The following SYT1 variants were observed in gnomAD, a reference collection of about 807,000 sequenced individuals.
The protein encoded by SYT1 is synaptotagmin-1.
Under a neutral mutation model 44.8 loss-of-function variants are expected in SYT1, and 8 were observed. The observed-to-expected ratio is 0.18, with a 90% CI of 0.10 to 0.32. The LOEUF is 0.32. Ranked by LOEUF, SYT1 falls within the 10% of genes least tolerant of loss-of-function variation. SYT1 has a pLI of 1.00. For missense variants in SYT1, 286 were observed against 509.3 expected (o/e 0.56, Z 4.22); for synonymous variants, 154 against 188.8 (o/e 0.82, Z 1.51).
chr12:79,216,603 A>C (rs1318028884), intron 3 of SYT1, among the ~76,000 whole-genome samples: 1 of 152,174 alleles, frequency 6.6e-6, no homozygotes, highest in Non-Finnish European at 1.5e-5. Flanking sequence ...GCCCTGTTAA[A>C]GTTTATTTAA....
Position 79,047,370 on chromosome 12 carries a change from CT to C in SYT1, c.-18+11del, listed in dbSNP as rs1354630449. ...AGAATTCCTAATAGAACAGTAAGTACTTTAATGACACAATGATGATAATAAA... is the reference window on the plus strand; with the variant it reads ...AGAATTCCTAATAGAACAGTAAGTACTTAATGACACAATGATGATAATAAA... On this transcript the variant is annotated intron_variant, in intron 3 of 10. Transcript: ENST00000261205. The C allele has an allele frequency of 6.6e-6, 1 of 151,674 alleles. No individual in the cohort carries two copies. Among genetic ancestry groups the C allele is most frequent in the Non-Finnish European group, 1.5e-5 (1 of 67,726 alleles). The allele number at this position is 151,674 out of a possible 1,614,324, so 9.4% of individuals were successfully genotyped here. A position where few individuals can be genotyped will look rare whatever the true frequency, so the allele number is the denominator to read the frequency against.
At chr12:79,129,892 G>T (rs1048396439) in intron 3 of SYT1, among the ~76,000 whole-genome samples, 1 of 151,898 alleles carries the variant, frequency 6.6e-6, no homozygotes, top group African/African-American at 2.4e-5. Flanking sequence ...TTCAAATATG[G>T]GTATATTATA....
At chr12:78,915,793 T>A (rs1270480976) in intron 1 of SYT1, among the ~76,000 whole-genome samples, 1 of 152,034 alleles carries the variant, frequency 6.6e-6, no homozygotes, top group African/African-American at 2.4e-5. Flanking sequence ...CTTCTTACCA[T>A]GGATATTTTT....
chr12:79,101,321 T>A (rs540975534), intron 3 of SYT1, among the ~76,000 whole-genome samples: 1 of 152,308 alleles, frequency 6.6e-6, no homozygotes, highest in Non-Finnish European at 1.5e-5. Context: ...CTGACACATG[T>A]TACAAAATGG....
chr12:79,032,936 T>G (rs1463827709), intron 2 of SYT1, among the ~76,000 whole-genome samples: 2 of 151,346 alleles, frequency 1.3e-5, no homozygotes, highest in Non-Finnish European at 3.0e-5. Context: ...CAAAAGAATT[T>G]GAATTTCAAA....
chr12:78,938,124 C>A (rs1878163714), intron 1 of SYT1, among the ~76,000 whole-genome samples: 1 of 151,994 alleles, frequency 6.6e-6, no homozygotes, highest in African/African-American at 2.4e-5. Context: ...TCTCTTTTTT[C>A]TTTGTTTTCA....
At chr12:79,079,643 A>T (rs965380333) in intron 3 of SYT1, among the ~76,000 whole-genome samples, 1 of 152,096 alleles carries the variant, frequency 6.6e-6, no homozygotes, top group Admixed American at 6.6e-5. Flanking sequence ...CTTTCATTGT[A>T]GCAATGTTCT....
At chr12:78,879,485 C>G (rs1481759700) in intron 1 of SYT1, among the ~76,000 whole-genome samples, 1 of 151,702 alleles carries the variant, frequency 6.6e-6, no homozygotes, top group East Asian at 1.9e-4. Flanking sequence ...AAACTGAACT[C>G]ATCTTCATCA....
chr12:79,301,838 T>A (rs1434637917), intron 8 of SYT1, among the ~76,000 whole-genome samples: 3 of 152,206 alleles, frequency 2.0e-5, no homozygotes, highest in Non-Finnish European at 4.4e-5. Context: ...TACTCAGGAA[T>A]AGAAATTTTT....
At chr12:78,959,391 A>G (rs752624624) in intron 1 of SYT1, among the ~76,000 whole-genome samples, 3 of 152,138 alleles carry the variant, frequency 2.0e-5, no homozygotes, top group Non-Finnish European at 4.4e-5. Flanking sequence ...GTTTGTTTAG[A>G]GTTACTGAGA....
chr12:79,056,694 G>T (rs1874972814), intron 3 of SYT1, among the ~76,000 whole-genome samples: 1 of 152,006 alleles, frequency 6.6e-6, no homozygotes, highest in African/African-American at 2.4e-5. Flanking sequence ...AGGGCAGTAT[G>T]ATGCCATTAC....
chr12:79,199,934 T>C (rs1246547738), intron 3 of SYT1, among the ~76,000 whole-genome samples: 2 of 152,274 alleles, frequency 1.3e-5, no homozygotes, highest in Non-Finnish European at 2.9e-5. Context: ...ATCCTTTCCC[T>C]TTCCCAATAT....
chr12:79,100,543 C>T lies in SYT1; in HGVS notation c.-18+53181C>T, dbSNP rs375953498. 1.4e-4 allele frequency among the ~76,000 whole-genome samples: 22 copies of T among 152,026 alleles called. 1 individual carries two copies. Among genetic ancestry groups the T allele is most frequent in the Admixed American group, 4.6e-4 (7 of 15,248 alleles). On this transcript the variant is annotated intron_variant, in intron 3 of 10. Coordinates refer to ENST00000261205, the MANE Select transcript of SYT1 (RefSeq NM_005639.3). ...AAACAATATAGACACAACTGTTTTG[C>T]AGTGAAAATATACATAGAAAAAAAA...
chr12:79,383,720 C>T (rs556456884), intron 9 of SYT1, among the ~76,000 whole-genome samples: 64 of 152,186 alleles, frequency 4.2e-4, no homozygotes, highest in African/African-American at 1.4e-3. Flanking sequence ...GAGTGAATCC[C>T]TAGATTACTC....
At chr12:78,954,054 T>G (rs1879098970) in intron 1 of SYT1, among the ~76,000 whole-genome samples, 1 of 152,114 alleles carries the variant, frequency 6.6e-6, no homozygotes, top group Non-Finnish European at 1.5e-5. Flanking sequence ...ATCAGAGAGA[T>G]ACTTTCTCTA....
intron 3 of SYT1, among the ~76,000 whole-genome samples, chr12:79,129,049 A>G (rs1031080834): frequency 4.6e-5 from 7 of 152,178 alleles, no homozygotes; most frequent in Non-Finnish European, 7.3e-5. Context: ...TTAGAGGAGC[A>G]TGGCCTTGGG....
chr12:79,363,233 T>G (rs995228901), intron 9 of SYT1, among the ~76,000 whole-genome samples: 7 of 152,122 alleles, frequency 4.6e-5, no homozygotes, highest in Non-Finnish European at 1.0e-4. Context: ...AGTGGGTTCT[T>G]TCAGGAGATA....
intron 2 of SYT1, among the ~76,000 whole-genome samples, chr12:78,996,350 G>C (rs916062288): frequency 3.3e-5 from 5 of 152,162 alleles, no homozygotes; most frequent in Admixed American, 6.5e-5. Flanking sequence ...CCTTAAGGAA[G>C]GGTTGGTTTC....
intron 1 of SYT1, among the ~76,000 whole-genome samples, chr12:78,923,750 C>T (rs1255076210): frequency 1.4e-5 from 2 of 143,664 alleles, no homozygotes; most frequent in East Asian, 5.3e-4. Flanking sequence ...TTATTGTTTT[C>T]ATGAACAATG....
Sources: gnomAD v4.1 joint callset for allele counts (sites outside exome capture counted in the v4.1 genomes callset) on GRCh38, gnomAD v4.1.1 for gene constraint, MANE v1.5 for transcripts, NCBI Gene and HGNC (gene_info 2026-07-23, HGNC 2026-07-21) for gene names.